Variants in ASTN1 observed in about 807,000 individuals in gnomAD.
ASTN1 encodes astrotactin-1.
In ASTN1, 41 loss-of-function variants were observed where a neutral mutation model predicts 140.7. The ratio of observed to expected loss-of-function variants is 0.29; its 90% CI spans 0.23 to 0.38. The LOEUF is 0.38. Ranked by LOEUF, ASTN1 falls within the 10% of genes least tolerant of loss-of-function variation. The pLI, the probability that ASTN1 is intolerant of heterozygous loss-of-function variation, is 1.00. For missense variants in ASTN1, 1,479 were observed against 1,678.8 expected (o/e 0.88, Z 2.08); for synonymous variants, 640 against 652.2 (o/e 0.98, Z 0.29).
intron 17 of ASTN1, among the ~76,000 whole-genome samples, 174 bp from the exon 18 acceptor site, chr1:176,888,378 C>G (rs111722567): frequency 4.6e-5 from 7 of 152,212 alleles, no homozygotes; most frequent in South Asian, 4.1e-4. Flanking sequence ...TTCTGGGAAG[C>G]CTGAGCCTCT....
At chr1:177,089,599 C>T (rs1307110583) in intron 1 of ASTN1, among the ~76,000 whole-genome samples, 2 of 152,092 alleles carry the variant, frequency 1.3e-5, no homozygotes, top group Admixed American at 1.3e-4. Flanking sequence ...CTTTCTCTCG[C>T]ACACCCACTG....
chr1:177,067,108 G>A (rs954282591), intron 1 of ASTN1, among the ~76,000 whole-genome samples: 5 of 152,002 alleles, frequency 3.3e-5, no homozygotes, highest in African/African-American at 1.2e-4. Context: ...TATGGTTTCT[G>A]AGGGGGGGTT....
intron 8 of ASTN1, among the ~76,000 whole-genome samples, chr1:177,001,006 A>T (rs1408121411): frequency 6.6e-6 from 1 of 152,204 alleles, no homozygotes; most frequent in African/African-American, 2.4e-5. Flanking sequence ...TCACCACTCC[A>T]TGAGATAATT....
At chr1:177,149,160 G>GTATATATAGTGCATATATATAGTGTA (rs1682866633) in intron 1 of ASTN1, among the ~76,000 whole-genome samples, 1 of 95,526 alleles carries the variant, frequency 1.0e-5, no homozygotes, top group Non-Finnish European at 1.7e-5. Flanking sequence ...TATATATAGT[G>GTATATATAGTGCATATATATAGTGTA]TATATATAGT....
At chr1:176,872,893 A>T (rs1018926302) in intron 21 of ASTN1, among the ~76,000 whole-genome samples, 1 of 152,088 alleles carries the variant, frequency 6.6e-6, no homozygotes, top group African/African-American at 2.4e-5. Context: ...AGCCCTCCTT[A>T]TGTATCTCCA....
At chr1:176,957,600 G>A in intron 11 of ASTN1, 78 bp downstream of exon 11, 6 of 1,529,302 alleles carry the variant, frequency 3.9e-6, no homozygotes, top group East Asian at 2.3e-5. Context: ...TTTTCCCTAT[G>A]TATCTGTATT....
At chr1:177,037,018 C>T (rs897823359) in intron 2 of ASTN1, among the ~76,000 whole-genome samples, 3 of 151,974 alleles carry the variant, frequency 2.0e-5, no homozygotes, top group African/African-American at 7.3e-5. Flanking sequence ...CAGGGTTTGA[C>T]CATGTCGGGG....
intron 5 of ASTN1, among the ~76,000 whole-genome samples, chr1:177,028,347 A>G (rs1198322374): frequency 6.6e-6 from 1 of 152,190 alleles, no homozygotes; most frequent in Admixed American, 6.5e-5. Flanking sequence ...TTCTCGCCTC[A>G]CAGAACCTGG....
At chr1:176,948,368 A>G (rs1672041468) in intron 12 of ASTN1, among the ~76,000 whole-genome samples, 1 of 152,184 alleles carries the variant, frequency 6.6e-6, no homozygotes, top group Non-Finnish European at 1.5e-5. Flanking sequence ...GAATAGCTGA[A>G]TCTTTGTTTA....
At chr1:176,943,776 T>C (rs1264426068) in intron 14 of ASTN1, 115 bp downstream of exon 14, 14 of 1,309,674 alleles carry the variant, frequency 1.1e-5, no homozygotes, top group Non-Finnish European at 1.4e-5. Flanking sequence ...TTATTGTGTA[T>C]GAAGGAAATC....
chr1:177,058,486 T>G (rs1460930452), intron 2 of ASTN1, among the ~76,000 whole-genome samples: 1 of 152,172 alleles, frequency 6.6e-6, no homozygotes, highest in Non-Finnish European at 1.5e-5. Context: ...ACAAGTAGCA[T>G]ATGAAGGAGA....
intron 2 of ASTN1, among the ~76,000 whole-genome samples, chr1:177,060,077 C>T (rs1247180429): frequency 2.0e-5 from 3 of 152,126 alleles, no homozygotes; most frequent in East Asian, 1.9e-4. Context: ...TAAGTATCAA[C>T]GATGTGAATG....
intron 1 of ASTN1, among the ~76,000 whole-genome samples, chr1:177,077,071 G>C (rs902158242): frequency 1.3e-5 from 2 of 152,170 alleles, no homozygotes; most frequent in Non-Finnish European, 2.9e-5. Context: ...AATTAAGTCT[G>C]CAGGTGTGCG....
intron 11 of ASTN1, among the ~76,000 whole-genome samples, chr1:176,956,608 A>G (rs1441820263): frequency 1.3e-5 from 2 of 152,202 alleles, no homozygotes; most frequent in East Asian, 3.9e-4. Flanking sequence ...CTACCAGTGA[A>G]TCATCTCTTC....
rs147694292 is a variant in ASTN1, at chr1:177,052,079, C to T, written c.471+8999G>A. 1.4e-4 allele frequency among the ~76,000 whole-genome samples: 22 copies of T among 152,250 alleles called. No homozygotes were observed. In the East Asian group the frequency reaches 3.5e-3, roughly 24 times the overall value. ...GTGGGAAACCCTGTAAACAATGAAA[C>T]AGAAGTGACATAACAATTCCCTGAA... On this transcript the variant is annotated intron_variant, in intron 2 of 22. Coordinates refer to ENST00000361833, the MANE Select transcript of ASTN1 (RefSeq NM_004319.3).
At position 176,885,975 on chromosome 1, in the gene ASTN1, A is replaced by C. The variant is rs1669017014; in HGVS notation, c.3075-1485T>G. Among the ~76,000 whole-genome samples, 4 of 152,272 alleles carry C rather than the reference A, an allele frequency of 2.6e-5. No homozygotes were observed. In the South Asian group the frequency reaches 8.3e-4, roughly 32 times the overall value. On this transcript the variant is annotated intron_variant, in intron 18 of 22. Coordinates refer to ENST00000361833, the MANE Select transcript of ASTN1 (RefSeq NM_004319.3). ...GCATATGACATTGAAGATGGAATAG[A>C]CCCAAAACTGTGCAGATATTGACAA...
chr1:176,943,773 G>C, intron 14 of ASTN1, 118 bp downstream of exon 14: 1 of 1,289,950 alleles, frequency 7.8e-7, no homozygotes, highest in Non-Finnish European at 1.0e-6. Flanking sequence ...CTTTTATTGT[G>C]TATGAAGGAA....
chr1:177,120,136 A>C (rs1159632767), intron 1 of ASTN1, among the ~76,000 whole-genome samples: 2 of 152,216 alleles, frequency 1.3e-5, no homozygotes, highest in Non-Finnish European at 2.9e-5. Flanking sequence ...GGAGCAGTGG[A>C]GCTCCTATAG....
chr1:177,148,299 T>C (rs1045027854), intron 1 of ASTN1, among the ~76,000 whole-genome samples: 21 of 151,526 alleles, frequency 1.4e-4, no homozygotes, highest in Admixed American at 1.3e-3. Context: ...GCACCTGTAG[T>C]CCCAGCTACT....
Sources: gnomAD v4.1 joint callset for allele counts (sites outside exome capture counted in the v4.1 genomes callset) on GRCh38, gnomAD v4.1.1 for gene constraint, MANE v1.5 for transcripts, NCBI Gene and HGNC (gene_info 2026-07-23, HGNC 2026-07-21) for gene names.